VPS54: variants seen among roughly 807,000 people sequenced by gnomAD.
VPS54 encodes the protein VPS54 subunit of GARP complex.
VPS54 carries 45 observed loss-of-function variants against 121.5 expected under a neutral mutation model. The observed-to-expected ratio is 0.37, with a 90% CI of 0.29 to 0.47. The LOEUF (loss-of-function observed/expected upper bound fraction) is 0.47. Among genes scored for constraint, VPS54 ranks in the 20% least tolerant of loss-of-function variants. The probability of loss-of-function intolerance (pLI) is 0.99; values close to 1 mark genes in which losing one functional copy is unlikely to be tolerated. For synonymous variants in VPS54, 371 were observed against 385.8 expected, an observed-to-expected ratio of 0.96 and a Z score of 0.45; for missense variants, 1,090 against 1,131.4, an observed-to-expected ratio of 0.96 and a Z score of 0.52.
At chr2:64,003,826 G>A (rs967884001) in intron 1 of VPS54, among the ~76,000 whole-genome samples, 1 of 152,148 alleles carries the variant, frequency 6.6e-6, no homozygotes, top group African/African-American at 2.4e-5. Flanking sequence ...GGCACTAGAA[G>A]CATTGCCTCC....
intron 11 of VPS54, among the ~76,000 whole-genome samples, chr2:63,934,752 T>A (rs1674375829): frequency 1.3e-5 from 2 of 152,216 alleles, no homozygotes; most frequent in Non-Finnish European, 1.5e-5. Context: ...TATTAGAATG[T>A]CAGCTCCATT....
At chr2:63,955,845 A>G (rs961518411) in intron 7 of VPS54, among the ~76,000 whole-genome samples, 2 of 152,116 alleles carry the variant, frequency 1.3e-5, no homozygotes, top group African/African-American at 4.8e-5. Flanking sequence ...ATGCATTATT[A>G]TTAACCTTAA....
chr2:63,998,021 T>C (rs1677683274), intron 1 of VPS54, among the ~76,000 whole-genome samples: 1 of 152,222 alleles, frequency 6.6e-6, no homozygotes, highest in Non-Finnish European at 1.5e-5. Flanking sequence ...TTTCTGGTTT[T>C]ATTCCATTGT....
At chr2:63,962,539 A>C in intron 6 of VPS54, 96 bp from the exon 7 acceptor site, 1 of 1,374,392 alleles carries the variant, frequency 7.3e-7, no homozygotes, top group Non-Finnish European at 9.7e-7. Context: ...TTCTACATAT[A>C]CTTTAAATTC....
intron 20 of VPS54, among the ~76,000 whole-genome samples, chr2:63,900,361 AT>A (rs1041517443): frequency 6.6e-6 from 1 of 151,676 alleles, no homozygotes; most frequent in African/African-American, 2.4e-5. Flanking sequence ...TAAAAGGAGG[AT>A]TTTTTTCAGC....
chr2:63,997,397 C>T (rs183208356), intron 1 of VPS54, among the ~76,000 whole-genome samples: 70 of 152,278 alleles, frequency 4.6e-4, no homozygotes, highest in African/African-American at 1.6e-3. Flanking sequence ...GGTCTGTTCA[C>T]ACCCTGGGTT....
At chr2:63,923,193 G>A (rs1331853991) in intron 12 of VPS54, among the ~76,000 whole-genome samples, 1 of 151,966 alleles carries the variant, frequency 6.6e-6, no homozygotes, top group Non-Finnish European at 1.5e-5. Flanking sequence ...GCAGGCGCCT[G>A]TAGTCCCAGC....
chr2:63,947,864 T>C (rs1336495655), intron 8 of VPS54, among the ~76,000 whole-genome samples: 6 of 152,134 alleles, frequency 3.9e-5, no homozygotes, highest in Admixed American at 6.5e-5. Context: ...TGAGACAGCG[T>C]TCCACTCTGT....
Position 63,893,029 on chromosome 2 carries a change from A to G in VPS54, c.*401T>C, listed in dbSNP as rs528614666. The G allele has an allele frequency of 7.5e-5, 12 of 159,754 alleles. No individual in the cohort carries two copies. The highest frequency in any genetic ancestry group is 2.9e-4 in the African/African-American group (12 of 41,828). 9.9% of individuals were successfully genotyped at this position (159,754 alleles called of 1,614,324 possible). A position where few individuals can be genotyped will look rare whatever the true frequency, so the allele number is the denominator to read the frequency against. Reference sequence around the variant, plus strand: ...GACTAAGATTTTAAATTGTACCATCATTAAATAAGGTGGGACACCATATGA... The same window carrying G: ...GACTAAGATTTTAAATTGTACCATCGTTAAATAAGGTGGGACACCATATGA... On this transcript the variant is annotated 3_prime_UTR_variant, in exon 23 of 23. Transcript: ENST00000272322.
At chr2:64,000,628 A>G (rs923380630) in intron 1 of VPS54, among the ~76,000 whole-genome samples, 2 of 152,268 alleles carry the variant, frequency 1.3e-5, no homozygotes, top group African/African-American at 4.8e-5. Context: ...TGGTTCTTGC[A>G]GACTTGTAGA....
intron 7 of VPS54, among the ~76,000 whole-genome samples, chr2:63,955,935 G>A (rs986291081): frequency 3.9e-5 from 6 of 152,096 alleles, no homozygotes; most frequent in Admixed American, 3.9e-4. Context: ...AATTTAGAGT[G>A]GTGAATCTAC....
At chr2:64,018,170 A>G (rs987356050) in intron 1 of VPS54, among the ~76,000 whole-genome samples, 15 of 152,232 alleles carry the variant, frequency 9.9e-5, no homozygotes, top group Admixed American at 8.5e-4. Context: ...ACAGCCAATT[A>G]AAAACAAAAA....
chr2:63,910,277 G>A (rs114399292), intron 20 of VPS54, among the ~76,000 whole-genome samples: 1,979 of 152,262 alleles, frequency 0.013, 58 homozygotes, highest in African/African-American at 0.045. Context: ...AATAGGAAAA[G>A]TCATCAATGG....
chr2:63,958,821 TAA>T (rs1419856306), intron 7 of VPS54, among the ~76,000 whole-genome samples: 3 of 152,204 alleles, frequency 2.0e-5, no homozygotes, highest in Non-Finnish European at 4.4e-5. Context: ...CAAATAAATT[TAA>T]AAGAGTCCTT....
rs185971914 is a variant in VPS54, at chr2:63,965,863, G to A, written c.596C>T (p.Ala199Val). Residue 199 changes from alanine to valine, a missense_variant, in exon 6 of 23, where the codon GCA becomes GTA. Coordinates refer to ENST00000272322, the MANE Select transcript of VPS54 (RefSeq NM_016516.3). ...TTCTTGAAGCAACTTTGAGGAAGCT[G>A]CATCACGATTTCCTTTTCCACCAGC... is the stretch of plus-strand genomic sequence containing the variant. The part of the protein sequence containing the change: ...NTAGGKGNRD[A>V]ASSKLLQEKL... 5.0e-5 allele frequency: 80 copies of A among 1,612,078 alleles called. No individual in the cohort carries two copies. In the East Asian group the frequency reaches 6.3e-4, roughly 13 times the overall value.
chr2:63,904,718 G>A (rs1358831886), intron 20 of VPS54, among the ~76,000 whole-genome samples: 3 of 152,168 alleles, frequency 2.0e-5, no homozygotes, highest in East Asian at 1.9e-4. Context: ...ATATACACAG[G>A]ACACTCTACC....
chr2:63,954,421 G>A (rs1015215006), intron 7 of VPS54, among the ~76,000 whole-genome samples: 3 of 151,960 alleles, frequency 2.0e-5, no homozygotes, highest in Non-Finnish European at 4.4e-5. Context: ...TTTCCAATTC[G>A]TTATTTTGAA....
At chr2:63,970,202 A>AT (rs1484612297) in intron 4 of VPS54, among the ~76,000 whole-genome samples, 22 of 58,806 alleles carry the variant, frequency 3.7e-4, no homozygotes, top group African/African-American at 9.7e-4. Context: ...ATTAAAAAAA[A>AT]ATATATATAT....
intron 20 of VPS54, among the ~76,000 whole-genome samples, chr2:63,908,270 T>C (rs1056457019): frequency 6.6e-6 from 1 of 152,070 alleles, no homozygotes; most frequent in African/African-American, 2.4e-5. Flanking sequence ...TGCTGTAACA[T>C]CCATGAACTC....
Sources: gnomAD v4.1 joint callset for allele counts (sites outside exome capture counted in the v4.1 genomes callset) on GRCh38, gnomAD v4.1.1 for gene constraint, MANE v1.5 for transcripts, NCBI Gene and HGNC (gene_info 2026-07-23, HGNC 2026-07-21) for gene names.